The following PAN3 variants were observed in gnomAD, a reference collection of about 807,000 sequenced individuals.
The protein encoded by PAN3 is PAN2-PAN3 deadenylation complex subunit PAN3.
In PAN3, 19 loss-of-function variants were observed where a neutral mutation model predicts 96.2. That is an observed-to-expected ratio of 0.20 (90% CI 0.14 to 0.29). The LOEUF (loss-of-function observed/expected upper bound fraction) is 0.29, where lower values mean the gene tolerates loss of function less well. Ranked by LOEUF, PAN3 falls within the 10% of genes least tolerant of loss-of-function variation. The pLI is 1.00. For synonymous variants in PAN3, 433 were observed against 406.6 expected, an observed-to-expected ratio of 1.06 and a Z score of -0.78; for missense variants, 882 against 1,108.1, an observed-to-expected ratio of 0.80 and a Z score of 2.90.
chr13:28,141,528 A>C (rs1869837363), intron 1 of PAN3, among the ~76,000 whole-genome samples: 6 of 117,736 alleles, frequency 5.1e-5, no homozygotes. Context: ...AGTGCAATCT[A>C]GTGATCTCGG....
Position 28,147,102 on chromosome 13 carries a change from A to G in PAN3, c.430+8015A>G, listed in dbSNP as rs558623708. Among the ~76,000 whole-genome samples, 3 of 152,388 alleles carry G rather than the reference A, an allele frequency of 2.0e-5. No homozygotes were observed. In the South Asian group the frequency reaches 6.2e-4, roughly 32 times the overall value. ...ACCAAAACATTGTTACCAACAAATC[A>G]ATATATGTTTGTGTCTCATTTCAGT... On this transcript the variant is annotated intron_variant, in intron 1 of 18. Transcript: ENST00000380958.
chr13:28,167,590 A>G (rs1377125191), intron 1 of PAN3, among the ~76,000 whole-genome samples: 3 of 149,268 alleles, frequency 2.0e-5, no homozygotes, highest in Non-Finnish European at 3.0e-5. Flanking sequence ...TAATCCTAGC[A>G]CTTTGGGAGG....
intron 14 of PAN3, among the ~76,000 whole-genome samples, chr13:28,275,579 AT>A (rs1180754516): frequency 1.3e-5 from 2 of 152,210 alleles, no homozygotes; most frequent in African/African-American, 4.8e-5. Context: ...TATAGTTGGC[AT>A]TTATATGCAC....
intron 1 of PAN3, among the ~76,000 whole-genome samples, chr13:28,170,270 G>A (rs905231617): frequency 1.3e-5 from 2 of 152,050 alleles, no homozygotes; most frequent in Non-Finnish European, 2.9e-5. Flanking sequence ...TGTTTATTGG[G>A]ACAAATTCTA....
At chr13:28,280,692 G>C in intron 16 of PAN3, 151 bp downstream of exon 16, 1 of 669,342 alleles carries the variant, frequency 1.5e-6, no homozygotes, top group Non-Finnish European at 2.3e-6. Context: ...CTCCCAAGTA[G>C]CTGGGATTAC....
chr13:28,275,205 ACT>A (rs1886958971), intron 14 of PAN3, among the ~76,000 whole-genome samples: 1 of 152,046 alleles, frequency 6.6e-6, no homozygotes, highest in South Asian at 2.1e-4. Flanking sequence ...TAAAAAAACA[ACT>A]CTAATTTAAT....
chr13:28,267,290 T>A lies in PAN3; in HGVS notation c.1691-10T>A, dbSNP rs752309039. On this transcript the variant is annotated splice_polypyrimidine_tract_variant and intron_variant, in intron 11 of 18. Coordinates refer to ENST00000380958, the MANE Select transcript of PAN3 (RefSeq NM_175854.8). ...GCTTTCAGTAATGAGTGTTTGTGTT[T>A]TATTTTAAGCTCTTGTGTTTGCATA... 1 of 1,613,604 alleles carries A rather than the reference T, an allele frequency of 6.2e-7. No homozygotes were observed. The highest frequency in any genetic ancestry group is 1.7e-5 in the Admixed American group (1 of 60,004).
chr13:28,148,991 A>G (rs1045181330), intron 1 of PAN3, among the ~76,000 whole-genome samples: 3 of 152,174 alleles, frequency 2.0e-5, no homozygotes, highest in Non-Finnish European at 4.4e-5. Context: ...ATATATTTAC[A>G]CAATTATGTG....
At chr13:28,174,232 T>A in intron 1 of PAN3, 40 bp from the exon 2 acceptor site, 1 of 1,583,156 alleles carries the variant, frequency 6.3e-7, no homozygotes, top group Non-Finnish European at 8.6e-7. Flanking sequence ...TTTCATCCTC[T>A]GAAATAATTT....
chr13:28,145,757 ATTT>A (rs895808998), intron 1 of PAN3, among the ~76,000 whole-genome samples: 9 of 124,432 alleles, frequency 7.2e-5, no homozygotes, highest in South Asian at 2.7e-4. Context: ...TGCCAAGCTA[ATTT>A]TTTTTTTTTT....
At chr13:28,201,702 CTT>C (rs1200442822) in intron 5 of PAN3, among the ~76,000 whole-genome samples, 16 of 152,080 alleles carry the variant, frequency 1.1e-4, no homozygotes, top group Non-Finnish European at 2.4e-4. Context: ...AACTGCCTGT[CTT>C]TGTACTTTTA....
Position 28,265,719 on chromosome 13 carries a change from G to GTTT in PAN3, c.1412-973_1412-971dup, listed in dbSNP as rs1250740692. Among the ~76,000 whole-genome samples the GTTT allele has an allele frequency of 3.2e-3, 32 of 10,042 alleles. 12 individuals are homozygous for GTTT. The highest frequency in any genetic ancestry group is 0.019 in the African/African-American group (31 of 1,672). 6.6% of individuals were successfully genotyped at this position (10,042 alleles called of 152,430 possible). Reference sequence around the variant, plus strand: ...ATTATCAGTTGTTTTTGTTTATAGGGTTTTTTTTTTTTTTTTTTTTTTTTT... The same window carrying GTTT: ...ATTATCAGTTGTTTTTGTTTATAGGGTTTTTTTTTTTTTTTTTTTTTTTTTTTT... On this transcript the variant is annotated intron_variant, in intron 9 of 18. Transcript: ENST00000380958.
At chr13:28,253,204 A>G (rs1304638312) in intron 6 of PAN3, among the ~76,000 whole-genome samples, 1 of 152,162 alleles carries the variant, frequency 6.6e-6, no homozygotes. Context: ...TTTCAATCAG[A>G]TTTTCTTAAT....
At chr13:28,278,409 T>A (rs1887222299) in intron 15 of PAN3, among the ~76,000 whole-genome samples, 1 of 152,214 alleles carries the variant, frequency 6.6e-6, no homozygotes. Context: ...CTAGGATGCC[T>A]CAAATAATTT....
chr13:28,165,233 C>G (rs1274816721), intron 1 of PAN3, among the ~76,000 whole-genome samples: 1 of 151,466 alleles, frequency 6.6e-6, no homozygotes, highest in East Asian at 1.9e-4. Flanking sequence ...GGTATAGGAT[C>G]CTTTGGTCCA....
intron 1 of PAN3, among the ~76,000 whole-genome samples, chr13:28,139,524 G>A: frequency 6.8e-6 from 1 of 146,634 alleles, no homozygotes; most frequent in East Asian, 2.0e-4. Flanking sequence ...TTGTGTGTGT[G>A]TGTGTGTGTG....
At chr13:28,149,581 G>C (rs1566136708) in intron 1 of PAN3, among the ~76,000 whole-genome samples, 3 of 151,946 alleles carry the variant, frequency 2.0e-5, no homozygotes, top group Admixed American at 1.3e-4. Flanking sequence ...TATTGTTATT[G>C]ATTATTTACT....
At chr13:28,177,310 T>C (rs1875145931) in intron 3 of PAN3, among the ~76,000 whole-genome samples, 2 of 152,154 alleles carry the variant, frequency 1.3e-5, no homozygotes, top group African/African-American at 4.8e-5. Flanking sequence ...TTTGAAAAAC[T>C]TTATTATTTC....
chr13:28,282,561 C>T (rs1868411899), intron 17 of PAN3, among the ~76,000 whole-genome samples: 2 of 152,202 alleles, frequency 1.3e-5, no homozygotes, highest in African/African-American at 4.8e-5. Flanking sequence ...TATAATTCAG[C>T]TAATGACTCA....
Sources: gnomAD v4.1 joint callset for allele counts (sites outside exome capture counted in the v4.1 genomes callset) on GRCh38, gnomAD v4.1.1 for gene constraint, MANE v1.5 for transcripts, NCBI Gene and HGNC (gene_info 2026-07-23, HGNC 2026-07-21) for gene names.